The following RNFT2 variants were observed in gnomAD, a reference collection of about 807,000 sequenced individuals.
RNFT2 encodes ring finger protein, transmembrane 2.
A neutral mutation model predicts 53.0 loss-of-function variants in RNFT2; 36 were observed. The ratio of observed to expected loss-of-function variants is 0.68; its 90% CI spans 0.52 to 0.90. RNFT2 has a LOEUF of 0.90. Ranked by LOEUF, RNFT2 falls within the 40% of genes least tolerant of loss-of-function variation. RNFT2 has a pLI of 0.00. For missense variants in RNFT2, 514 were observed against 585.6 expected (o/e 0.88, Z 1.26); for synonymous variants, 260 against 253.2 (o/e 1.03, Z -0.26).
At chr12:116,739,308 A>C (rs1233871025) in intron 1 of RNFT2, among the ~76,000 whole-genome samples, 1 of 152,232 alleles carries the variant, frequency 6.6e-6, no homozygotes, top group Admixed American at 6.5e-5. Context: ...GAAAAGGGGA[A>C]CTGGGAGACC....
At chr12:116,841,175 G>T (rs1175364449) in intron 10 of RNFT2, among the ~76,000 whole-genome samples, 1 of 152,174 alleles carries the variant, frequency 6.6e-6, no homozygotes, top group Non-Finnish European at 1.5e-5. Flanking sequence ...GCACAGGCCA[G>T]GCATGGTAGC....
At chr12:116,813,926 A>G (rs977083245) in intron 7 of RNFT2, among the ~76,000 whole-genome samples, 1 of 152,186 alleles carries the variant, frequency 6.6e-6, no homozygotes, top group Non-Finnish European at 1.5e-5. Context: ...GATAGTATTC[A>G]TGATGTGAAG....
intron 3 of RNFT2, among the ~76,000 whole-genome samples, chr12:116,746,902 G>C (rs540593157): frequency 6.6e-6 from 1 of 152,258 alleles, no homozygotes; most frequent in South Asian, 2.1e-4. Context: ...TTGGTTCCAA[G>C]ACCCCACGGA....
At chr12:116,799,111 T>G (rs1413594593) in intron 7 of RNFT2, among the ~76,000 whole-genome samples, 1 of 152,212 alleles carries the variant, frequency 6.6e-6, no homozygotes, top group Non-Finnish European at 1.5e-5. Flanking sequence ...TTAAGGTTGT[T>G]GGCAGAATCA....
chr12:116,785,894 C>CA (rs371786714), intron 7 of RNFT2, among the ~76,000 whole-genome samples: 13 of 150,714 alleles, frequency 8.6e-5, no homozygotes, highest in East Asian at 5.9e-4. Flanking sequence ...ACAAAAAATA[C>CA]AAAAAAAAAT....
chr12:116,788,925 T>C (rs1272358280), intron 7 of RNFT2, among the ~76,000 whole-genome samples: 1 of 123,172 alleles, frequency 8.1e-6, no homozygotes, highest in Non-Finnish European at 1.7e-5. Context: ...GGATGGTGGA[T>C]GGATGGATGG....
intron 5 of RNFT2, among the ~76,000 whole-genome samples, chr12:116,764,826 AG>A (rs1353874309): frequency 6.6e-6 from 1 of 152,198 alleles, no homozygotes; most frequent in African/African-American, 2.4e-5. Context: ...CAGGAGGCGG[AG>A]GTTGCAATGA....
chr12:116,805,129 T>TTC (rs1874981926), intron 7 of RNFT2, among the ~76,000 whole-genome samples: 2 of 151,704 alleles, frequency 1.3e-5, no homozygotes, highest in South Asian at 4.2e-4. Context: ...GTCTTTTTTT[T>TTC]TTTTTTTTAG....
intron 7 of RNFT2, among the ~76,000 whole-genome samples, chr12:116,812,580 G>T (rs1370463694): frequency 6.6e-6 from 1 of 151,636 alleles, no homozygotes; most frequent in Non-Finnish European, 1.5e-5. Flanking sequence ...TGTCACCCAG[G>T]CTGGAGTTCA....
chr12:116,799,505 C>T lies in RNFT2; in HGVS notation c.882+20157C>T, dbSNP rs373328195. On this transcript the variant is annotated intron_variant, in intron 7 of 10. Coordinates refer to ENST00000257575, the MANE Select transcript of RNFT2 (RefSeq NM_001382266.1). Reference sequence around the variant, plus strand: ...ATGGGAAATTTTGCTGGGTGCCCACCGCACTATCTCAGAGGGTTGTTGTGA... The same window carrying T: ...ATGGGAAATTTTGCTGGGTGCCCACTGCACTATCTCAGAGGGTTGTTGTGA... Among the ~76,000 whole-genome samples the T allele has an allele frequency of 8.5e-5, 13 of 152,272 alleles. No homozygotes were observed. In the East Asian group the frequency reaches 1.2e-3, roughly 14 times the overall value.
chr12:116,843,009 T>A (rs1004947475), intron 10 of RNFT2, among the ~76,000 whole-genome samples: 1 of 152,150 alleles, frequency 6.6e-6, no homozygotes, highest in African/African-American at 2.4e-5. Flanking sequence ...GGTCCAGAAA[T>A]GCCCCTCTCC....
chr12:116,845,278 G>T (rs2893691), intron 10 of RNFT2, among the ~76,000 whole-genome samples: 16,395 of 110,008 alleles, frequency 0.15, 1,107 homozygotes, highest in Non-Finnish European at 0.17. Flanking sequence ...TATATATAGA[G>T]AGAGAGAGAG....
intron 7 of RNFT2, among the ~76,000 whole-genome samples, chr12:116,785,601 A>G (rs1873900608): frequency 6.6e-6 from 1 of 152,112 alleles, no homozygotes; most frequent in Non-Finnish European, 1.5e-5. Flanking sequence ...CACTATTTGA[A>G]AAGTCTGTTT....
In RNFT2 at chr12:116,749,290, C is replaced by A. The variant is rs1341069983; in HGVS notation, c.84-551C>A. 1.9e-4 allele frequency among the ~76,000 whole-genome samples: 21 copies of A among 112,994 alleles called. 2 individuals are homozygous for A. The South Asian group carries it at 4.6e-3, about 25-fold the overall frequency. 74.1% of individuals were successfully genotyped at this position (112,994 alleles called of 152,430 possible). On this transcript the variant is annotated intron_variant, in intron 3 of 10. Transcript: ENST00000257575. ...AATCTCTTCCTCTTTCCCCCCCCAC[C>A]ACCCCTTTTGAGACAGGCTCTCTGT...
intron 7 of RNFT2, among the ~76,000 whole-genome samples, chr12:116,785,903 A>T (rs1873912941): frequency 6.6e-6 from 1 of 151,950 alleles, no homozygotes; most frequent in Non-Finnish European, 1.5e-5. Flanking sequence ...ACAAAAAAAA[A>T]TTGGCCTGAT....
At chr12:116,822,362 G>T (rs1159908078) in intron 7 of RNFT2, among the ~76,000 whole-genome samples, 1 of 151,832 alleles carries the variant, frequency 6.6e-6, no homozygotes, top group East Asian at 1.9e-4. Flanking sequence ...CTCTCTCTCT[G>T]TGGCAATTCC....
At chr12:116,848,592 ATCCTC>A (rs1193913481) in intron 10 of RNFT2, among the ~76,000 whole-genome samples, 2 of 151,302 alleles carry the variant, frequency 1.3e-5, no homozygotes, top group Non-Finnish European at 3.0e-5. Flanking sequence ...CAGCCCAGCT[ATCCTC>A]TCCTTCCTGT....
At chr12:116,811,828 T>C (rs1875396344) in intron 7 of RNFT2, among the ~76,000 whole-genome samples, 2 of 152,142 alleles carry the variant, frequency 1.3e-5, no homozygotes, top group Admixed American at 1.3e-4. Context: ...CCAGAAGTGC[T>C]AAGATCAGAA....
chr12:116,783,304 T>C (rs1254848333), intron 7 of RNFT2, among the ~76,000 whole-genome samples: 2 of 152,226 alleles, frequency 1.3e-5, no homozygotes, highest in African/African-American at 4.8e-5. Context: ...CATAGCTTTG[T>C]GTGCCCCTAC....
Sources: allele counts gnomAD v4.1 joint callset (sites outside exome capture counted in the v4.1 genomes callset), GRCh38; gene constraint gnomAD v4.1.1; transcripts MANE v1.5; gene names NCBI Gene and HGNC (gene_info 2026-07-23, HGNC 2026-07-21).